Variants in KCNG2 observed in about 807,000 individuals in gnomAD.
KCNG2 encodes voltage-gated potassium channel regulatory subunit KCNG2.
Under a neutral mutation model 12.3 loss-of-function variants are expected in KCNG2, and 7 were observed. The ratio of observed to expected loss-of-function variants is 0.57; its 90% CI spans 0.32 to 1.07. The LOEUF is 1.07. KCNG2 is among the 50% of genes least tolerant of loss of function. The pLI, the probability that KCNG2 is intolerant of heterozygous loss-of-function variation, is 0.04. For missense variants in KCNG2, 703 were observed against 726.0 expected, an observed-to-expected ratio of 0.97 and a Z score of 0.36; for synonymous variants, 414 against 351.4, an observed-to-expected ratio of 1.18 and a Z score of -1.99.
In KCNG2 at chr18:79,822,940, G is replaced by A. The variant is rs2087583177; in HGVS notation, c.-115+24926G>A. On this transcript the variant is annotated intron_variant, in intron 1 of 3. Transcript: ENST00000316249. The surrounding 1 kb of genome is among the most constrained non-coding windows in gnomAD (Gnocchi z 4.4). ...TTGCGTGTGGGTGTGGCTCACTTGT[G>A]GCATGTGAAGAGCGTGTGGAGCACC... is the stretch of plus-strand genomic sequence containing the variant. Among the ~76,000 whole-genome samples, 1 of 152,220 alleles carries A rather than the reference G, an allele frequency of 6.6e-6. No individual in the cohort carries two copies. Among genetic ancestry groups the A allele is most frequent in the Non-Finnish European group, 1.5e-5 (1 of 68,042 alleles).
At chr18:79,806,788 C>G (rs916525311) in intron 1 of KCNG2, among the ~76,000 whole-genome samples, 5 of 152,166 alleles carry the variant, frequency 3.3e-5, no homozygotes, top group African/African-American at 1.2e-4. Context: ...AAAACCAGAA[C>G]TAAGGGCTTC....
At chr18:79,828,641 GTGTA>G (rs1436495003) in intron 1 of KCNG2, among the ~76,000 whole-genome samples, 1 of 151,982 alleles carries the variant, frequency 6.6e-6, no homozygotes, top group Non-Finnish European at 1.5e-5. Flanking sequence ...ATGTGTCTGT[GTGTA>G]TGTCTGTGTG....
chr18:79,880,198 T>G (rs934387792), intron 3 of KCNG2, among the ~76,000 whole-genome samples: 3 of 151,174 alleles, frequency 2.0e-5, no homozygotes, highest in African/African-American at 7.3e-5. Flanking sequence ...AATATGCCAA[T>G]AAATGGCCAG....
At chr18:79,810,269 G>A (rs1181863604) in intron 1 of KCNG2, among the ~76,000 whole-genome samples, 1 of 152,172 alleles carries the variant, frequency 6.6e-6, no homozygotes, top group African/African-American at 2.4e-5. Context: ...AGAGAGAAGA[G>A]AGGGTGGACA....
At chr18:79,837,986 G>A (rs1236935751) in intron 1 of KCNG2, among the ~76,000 whole-genome samples, 1 of 152,214 alleles carries the variant, frequency 6.6e-6, no homozygotes, top group Non-Finnish European at 1.5e-5. Context: ...GGAGGCCTCA[G>A]GAAACTTACA....
chr18:79,879,148 CAG>C (rs1491566006), intron 3 of KCNG2, among the ~76,000 whole-genome samples: 2 of 152,246 alleles, frequency 1.3e-5, no homozygotes, highest in Admixed American at 6.5e-5. Context: ...AGGATGGCTG[CAG>C]CCAGACCTCC....
chr18:79,878,802 C>T (rs918226465), intron 3 of KCNG2, among the ~76,000 whole-genome samples: 2 of 152,198 alleles, frequency 1.3e-5, no homozygotes. Flanking sequence ...ATACAGTGAC[C>T]GATGGGCGCT....
chr18:79,862,002 C>G (rs1352107680), intron 2 of KCNG2, among the ~76,000 whole-genome samples: 4 of 152,200 alleles, frequency 2.6e-5, no homozygotes, highest in African/African-American at 9.7e-5. Context: ...ACTTCTGTCT[C>G]TTTATTGATA....
rs560649468 is a variant in KCNG2, at chr18:79,804,017, G to T, written c.-115+6003G>T. Among the ~76,000 whole-genome samples the T allele has an allele frequency of 2.6e-5, 4 of 152,190 alleles. 1 individual carries two copies. In the South Asian group the frequency reaches 8.3e-4, roughly 32 times the overall value. On this transcript the variant is annotated intron_variant, in intron 1 of 3. Coordinates refer to ENST00000316249, the MANE Select transcript of KCNG2 (RefSeq NM_012283.2). Reference sequence around the variant, plus strand: ...GATTATTCCTCAACATGGGGATCTTGTTCCTTATAAAAGTGCTGCATGGCA... The same window carrying T: ...GATTATTCCTCAACATGGGGATCTTTTTCCTTATAAAAGTGCTGCATGGCA...
chr18:79,842,086 C>A (rs1555692848), intron 1 of KCNG2, among the ~76,000 whole-genome samples: 1 of 152,200 alleles, frequency 6.6e-6, no homozygotes, highest in Non-Finnish European at 1.5e-5. Flanking sequence ...CCTCCAGGCC[C>A]ACCCTAGCTC....
At chr18:79,858,781 A>AGTG (rs1979113246) in intron 2 of KCNG2, among the ~76,000 whole-genome samples, 1 of 152,102 alleles carries the variant, frequency 6.6e-6, no homozygotes, top group Admixed American at 6.5e-5. Flanking sequence ...GTGGATGTGA[A>AGTG]GTGGTATCTT....
intron 1 of KCNG2, among the ~76,000 whole-genome samples, chr18:79,809,988 G>C (rs2087482472): frequency 6.6e-6 from 1 of 152,242 alleles, no homozygotes; most frequent in African/African-American, 2.4e-5. Flanking sequence ...TGTGGGTTCT[G>C]GTCTCAGCGC....
intron 1 of KCNG2, among the ~76,000 whole-genome samples, chr18:79,821,530 T>A (rs946369856): frequency 6.6e-6 from 1 of 152,132 alleles, no homozygotes; most frequent in Non-Finnish European, 1.5e-5. Flanking sequence ...CCTCAGGTTG[T>A]CCACCCGCCT....
In KCNG2 at chr18:79,899,604, A is replaced by G. The variant is rs1312608330; in HGVS notation, c.1189A>G (p.Met397Val). The change falls in exon 4 of 4, where the codon ATG (methionine) becomes GTG (valine). Residue 397 changes from methionine to valine, a missense_variant. Met to Val is a conservative substitution (Grantham distance 21, BLOSUM62 1). Coordinates refer to ENST00000316249, the MANE Select transcript of KCNG2 (RefSeq NM_012283.2). The stretch of plus-strand genomic sequence containing the variant: ...CAGCATCCTCAGCGGCATCCTGCTC[A>G]TGGCCTTCCCGGTCACCTCCATCTT... ...LSSILSGILL[M>V]AFPVTSIFHT... The G allele has an allele frequency of 3.1e-6, 5 of 1,599,436 alleles. No individual in the cohort carries two copies. The highest frequency in any genetic ancestry group is 2.3e-5 in the East Asian group (1 of 44,118).
At chr18:79,842,452 G>A (rs1978489895) in intron 1 of KCNG2, among the ~76,000 whole-genome samples, 1 of 152,200 alleles carries the variant, frequency 6.6e-6, no homozygotes, top group Non-Finnish European at 1.5e-5. Context: ...CAAGGATCAT[G>A]AATAATCAGG....
chr18:79,847,067 G>C (rs1208038754), intron 1 of KCNG2, among the ~76,000 whole-genome samples: 2 of 152,242 alleles, frequency 1.3e-5, no homozygotes, highest in East Asian at 3.8e-4. Context: ...GCTGATGAAA[G>C]CATTTATCTG....
Position 79,873,120 on chromosome 18 carries a change from G to A in KCNG2, c.624+8829G>A, listed in dbSNP as rs1297965564. ...CAGCAGGGTGGGCCAGGGTGGTTTTGGAAAGACAGCACTCGGGCAGGAAAA... is the reference window on the plus strand; with the variant it reads ...CAGCAGGGTGGGCCAGGGTGGTTTTAGAAAGACAGCACTCGGGCAGGAAAA... On this transcript the variant is annotated intron_variant, in intron 3 of 3. Coordinates refer to ENST00000316249, the MANE Select transcript of KCNG2 (RefSeq NM_012283.2). Among the ~76,000 whole-genome samples the A allele has an allele frequency of 8.5e-5, 13 of 152,276 alleles. No homozygotes were observed. In the East Asian group the frequency reaches 2.3e-3, roughly 27 times the overall value.
At chr18:79,838,413 C>CTTT (rs753255677) in intron 1 of KCNG2, among the ~76,000 whole-genome samples, 1 of 142,420 alleles carries the variant, frequency 7.0e-6, no homozygotes, top group Non-Finnish European at 1.5e-5. Context: ...CCAAACAAGT[C>CTTT]TTTTTTTTTT....
intron 1 of KCNG2, among the ~76,000 whole-genome samples, chr18:79,849,326 C>T (rs1469079765): frequency 2.6e-5 from 4 of 152,224 alleles, no homozygotes; most frequent in African/African-American, 9.7e-5. Flanking sequence ...CAGCAGAAAA[C>T]AAATCACACA....
Sources: allele counts gnomAD v4.1 joint callset (sites outside exome capture counted in the v4.1 genomes callset), GRCh38; gene constraint gnomAD v4.1.1; non-coding constraint Gnocchi (gnomAD v3.1); transcripts MANE v1.5; gene names NCBI Gene and HGNC (gene_info 2026-07-23, HGNC 2026-07-21).